Variants in TPTE observed in about 807,000 individuals in gnomAD.
TPTE encodes putative tyrosine-protein phosphatase TPTE.
In TPTE, 59 loss-of-function variants were observed where a neutral mutation model predicts 84.1. That is an observed-to-expected ratio of 0.70 (90% CI 0.57 to 0.87). The LOEUF (loss-of-function observed/expected upper bound fraction) is 0.87. Among genes scored for constraint, TPTE ranks in the 40% least tolerant of loss-of-function variants. The pLI is 0.00. For synonymous variants in TPTE, 130 were observed against 223.5 expected, an observed-to-expected ratio of 0.58 and a Z score of 3.73; for missense variants, 382 against 659.6, an observed-to-expected ratio of 0.58 and a Z score of 4.61.
chr21:10,522,386 G>T (rs1449418400), intron 1 of TPTE, among the ~76,000 whole-genome samples: 2 of 152,300 alleles, frequency 1.3e-5, no homozygotes, highest in Non-Finnish European at 2.9e-5. Flanking sequence ...GTGGGGTGCT[G>T]TTCCGAAAAG....
intron 17 of TPTE, among the ~76,000 whole-genome samples, chr21:10,588,512 A>C (rs1424051778): frequency 2.6e-5 from 4 of 152,302 alleles, no homozygotes; most frequent in African/African-American, 9.6e-5. Context: ...TTTTTATAGT[A>C]TCTCACAGGT....
chr21:10,586,408 G>A (rs1466910327), intron 17 of TPTE, among the ~76,000 whole-genome samples: 2 of 152,284 alleles, frequency 1.3e-5, no homozygotes, highest in Admixed American at 6.5e-5. Context: ...TATATTGTGT[G>A]GTGGACACAG....
chr21:10,536,870 G>A (rs1263556965), intron 3 of TPTE, among the ~76,000 whole-genome samples: 1 of 152,310 alleles, frequency 6.6e-6, no homozygotes, highest in African/African-American at 2.4e-5. Flanking sequence ...TGGACCAAGG[G>A]AAGAAAACCC....
At chr21:10,537,704 A>G (rs2074292647) in intron 3 of TPTE, among the ~76,000 whole-genome samples, 1 of 152,296 alleles carries the variant, frequency 6.6e-6, no homozygotes, top group Non-Finnish European at 1.5e-5. Context: ...AAAAAAGAAA[A>G]AGAAATAAAT....
intron 17 of TPTE, among the ~76,000 whole-genome samples, chr21:10,586,306 T>G (rs1277730654): frequency 6.6e-6 from 1 of 152,226 alleles, no homozygotes; most frequent in Non-Finnish European, 1.5e-5. Context: ...TGCTTGTTTT[T>G]TTTTTTGACC....
chr21:10,531,423 C>T (rs1020719216), intron 3 of TPTE, among the ~76,000 whole-genome samples: 4 of 152,310 alleles, frequency 2.6e-5, no homozygotes, highest in Non-Finnish European at 1.5e-5. Flanking sequence ...CATCTTCCAC[C>T]ATAAATGGGA....
At chr21:10,576,811 TTTC>T (rs2075160685) in intron 14 of TPTE, among the ~76,000 whole-genome samples, 1 of 151,218 alleles carries the variant, frequency 6.6e-6, no homozygotes, top group Non-Finnish European at 1.5e-5. Flanking sequence ...ACTATTTGTT[TTTC>T]ATTTTAAAGG....
At chr21:10,605,304 C>G in intron 23 of TPTE, 113 bp from the exon 24 acceptor site, 1 of 1,391,294 alleles carries the variant, frequency 7.2e-7, no homozygotes, top group African/African-American at 1.5e-5. Context: ...GGCTGAGGTT[C>G]TATTCATGGT....
chr21:10,529,785 CT>C, intron 3 of TPTE, among the ~76,000 whole-genome samples: 1 of 152,310 alleles, frequency 6.6e-6, no homozygotes. Context: ...GGGGGAGATA[CT>C]TTCAGTCTAT....
intron 17 of TPTE, among the ~76,000 whole-genome samples, chr21:10,582,109 G>C (rs1336035690): frequency 6.6e-6 from 1 of 152,310 alleles, no homozygotes; most frequent in Non-Finnish European, 1.5e-5. Context: ...TTTCTGTCAT[G>C]TTTATGAAAT....
At chr21:10,534,280 G>A (rs1370031718) in intron 3 of TPTE, among the ~76,000 whole-genome samples, 1 of 152,310 alleles carries the variant, frequency 6.6e-6, no homozygotes, top group African/African-American at 2.4e-5. Context: ...GCAGGTGGAG[G>A]AGTGAAGGCC....
intron 3 of TPTE, among the ~76,000 whole-genome samples, chr21:10,534,963 TAAAC>T (rs2145597343): frequency 6.6e-6 from 1 of 152,428 alleles, no homozygotes; most frequent in African/African-American, 2.4e-5. Context: ...CCAAGTGGCT[TAAAC>T]AAAAATTAAT....
chr21:10,587,474 G>A (rs1164191973), intron 17 of TPTE, among the ~76,000 whole-genome samples: 1 of 152,260 alleles, frequency 6.6e-6, no homozygotes, highest in African/African-American at 2.4e-5. Flanking sequence ...ATGGTATTTG[G>A]TTTTTTGTTC....
At chr21:10,526,956 CAA>C (rs1252326430) in intron 2 of TPTE, among the ~76,000 whole-genome samples, 4 of 152,424 alleles carry the variant, frequency 2.6e-5, no homozygotes, top group Non-Finnish European at 4.4e-5. Flanking sequence ...TGAATCCAGA[CAA>C]AGAGAAAACA....
At chr21:10,599,720 T>C (rs1351043517) in intron 21 of TPTE, among the ~76,000 whole-genome samples, 3 of 152,312 alleles carry the variant, frequency 2.0e-5, no homozygotes, top group Non-Finnish European at 2.9e-5. Context: ...CTGAGCTTTT[T>C]TCCATGAGTA....
chr21:10,551,431 A>C, intron 7 of TPTE, among the ~76,000 whole-genome samples: 1 of 151,884 alleles, frequency 6.6e-6, no homozygotes, highest in South Asian at 2.1e-4. Flanking sequence ...AACTTAAAGT[A>C]TAAAAAAAAA....
chr21:10,583,202 G>T (rs986087611), intron 17 of TPTE, among the ~76,000 whole-genome samples: 1 of 152,310 alleles, frequency 6.6e-6, no homozygotes, highest in African/African-American at 2.4e-5. Flanking sequence ...TACTCCACTG[G>T]TATTGTAGAC....
At chr21:10,555,826 A>C (rs1285738326) in intron 8 of TPTE, among the ~76,000 whole-genome samples, 2 of 152,310 alleles carry the variant, frequency 1.3e-5, no homozygotes, top group African/African-American at 4.8e-5. Flanking sequence ...ATGTTTAGAA[A>C]ACATAATTAT....
chr21:10,524,060 A>T (rs1184084496), intron 1 of TPTE, among the ~76,000 whole-genome samples: 1 of 152,310 alleles, frequency 6.6e-6, no homozygotes, highest in Non-Finnish European at 1.5e-5. Flanking sequence ...ATTCTACAAG[A>T]ATCACAAGAG....
Sources: gnomAD v4.1 joint callset for allele counts (sites outside exome capture counted in the v4.1 genomes callset) on GRCh38, gnomAD v4.1.1 for gene constraint, MANE v1.5 for transcripts, NCBI Gene and HGNC (gene_info 2026-07-23, HGNC 2026-07-21) for gene names.